The following CYP4F22 variants were observed in gnomAD, a reference collection of about 807,000 sequenced individuals.
CYP4F22 encodes cytochrome P450 family 4 subfamily F member 22, also known as ultra-long-chain fatty acid omega-hydroxylase.
CYP4F22 carries 37 observed loss-of-function variants against 60.4 expected under a neutral mutation model. The observed-to-expected ratio is 0.61, with a 90% CI of 0.47 to 0.81. CYP4F22 has a LOEUF of 0.81. Among genes scored for constraint, CYP4F22 ranks in the 30% least tolerant of loss-of-function variants. The pLI is 0.00. For synonymous variants in CYP4F22, 258 were observed against 280.5 expected (o/e 0.92, Z 0.80); for missense variants, 655 against 715.0 (o/e 0.92, Z 0.96).
intron 2 of CYP4F22, among the ~76,000 whole-genome samples, chr19:15,524,704 G>GAA (rs1241923182): frequency 2.0e-4 from 21 of 104,402 alleles, no homozygotes; most frequent in Non-Finnish European, 3.0e-4. Context: ...GAAAGAAAGA[G>GAA]AGAGAGAAAG....
intron 1 of CYP4F22, among the ~76,000 whole-genome samples, chr19:15,509,908 T>TTCCTTCCTTC (rs1568350853): frequency 1.4e-3 from 142 of 100,438 alleles, no homozygotes; most frequent in African/African-American, 2.2e-3. Flanking sequence ...TTCCTTCCTT[T>TTCCTTCCTTC]CTTTCTTTCC....
intron 1 of CYP4F22, among the ~76,000 whole-genome samples, chr19:15,517,652 A>G (rs868591489): frequency 6.6e-6 from 1 of 152,292 alleles, no homozygotes; most frequent in South Asian, 2.1e-4. Context: ...TGGGGGCTCT[A>G]GCTGTGATTT....
intron 4 of CYP4F22, among the ~76,000 whole-genome samples, chr19:15,535,209 G>C (rs185445905): frequency 1.3e-5 from 2 of 152,268 alleles, no homozygotes; most frequent in African/African-American, 2.4e-5. Flanking sequence ...TTAGCACCTA[G>C]CACACTTTCT....
rs568480476 is a variant in CYP4F22 at position 15,550,047 on chromosome 19, G to C, written c.1336-627G>C. 3.9e-5 allele frequency among the ~76,000 whole-genome samples: 6 copies of C among 152,258 alleles called. No homozygotes were observed. In the South Asian group the frequency reaches 1.2e-3, roughly 32 times the overall value. ...GGGTTCAAGAGATTCTCCTGCCTCA[G>C]CTTTCTGAGTAGTTGGGATTACAGG... is the stretch of plus-strand genomic sequence containing the variant. On this transcript the variant is annotated intron_variant, in intron 12 of 13. Transcript: ENST00000269703.
intron 1 of CYP4F22, chr19:15,515,396 TTTG>T: frequency 8.1e-7 from 1 of 1,235,432 alleles, no homozygotes; most frequent in Non-Finnish European, 1.2e-6. Flanking sequence ...ATCTCTGTAC[TTTG>T]TTGGTCCAAC....
chr19:15,536,926 C>T (rs750469371), intron 4 of CYP4F22, among the ~76,000 whole-genome samples: 9 of 152,004 alleles, frequency 5.9e-5, no homozygotes, highest in Non-Finnish European at 8.8e-5. Context: ...GTGTGGAGGA[C>T]GGACTGGGTG....
chr19:15,517,074 G>T (rs1971164432), intron 1 of CYP4F22, among the ~76,000 whole-genome samples: 2 of 152,156 alleles, frequency 1.3e-5, no homozygotes, highest in Admixed American at 6.5e-5. Context: ...GCCCACCTCA[G>T]CCTCCCAAAG....
Position 15,540,637 on chromosome 19 carries a change from C to A in CYP4F22, c.859C>A (p.Arg287Ser). The change falls in exon 8 of 14, where the codon CGT becomes AGT. Residue 287 changes from arginine to serine, a missense_variant. Arg to Ser is a moderately radical substitution (Grantham distance 110). Coordinates refer to ENST00000269703, the MANE Select transcript of CYP4F22 (RefSeq NM_173483.4). ...CATCCAGGAACGGCGGCGGGCACTG[C>A]GTCAGCAGGGGGCCGAGGCCTGGCT... ...EVIQERRRAL[R>S]QQGAEAWLKA... is the part of the protein sequence containing the mutation. The A allele has an allele frequency of 6.2e-7, 1 of 1,614,140 alleles. No individual in the cohort carries two copies. Among genetic ancestry groups the A allele is most frequent in the Non-Finnish European group, 8.5e-7 (1 of 1,180,036 alleles).
chr19:15,522,543 G>A (rs1971237637), intron 1 of CYP4F22, among the ~76,000 whole-genome samples: 1 of 152,070 alleles, frequency 6.6e-6, no homozygotes, highest in African/African-American at 2.4e-5. Flanking sequence ...GGGCATGATG[G>A]TGTGCACCTA....
intron 4 of CYP4F22, among the ~76,000 whole-genome samples, chr19:15,534,818 G>C (rs1971378866): frequency 6.6e-6 from 1 of 152,150 alleles, no homozygotes; most frequent in African/African-American, 2.4e-5. Flanking sequence ...GCTTGCCAGA[G>C]AAGGAGTCCC....
chr19:15,515,269 A>G, intron 1 of CYP4F22: 3 of 916,036 alleles, frequency 3.3e-6, no homozygotes, highest in Non-Finnish European at 5.3e-6. Context: ...GAAATTCCAA[A>G]TTTTCAAAGC....
In CYP4F22 at chr19:15,551,146, CTCACTTTAACCCTCACCCAGCGTGGGGTT is replaced by C. The variant is rs1250647601; in HGVS notation, c.1419-132_1419-104del. On this transcript the variant is annotated intron_variant, in intron 13 of 13. Coordinates refer to ENST00000269703, the MANE Select transcript of CYP4F22 (RefSeq NM_173483.4). ...ACATTAATTGAGCGATCCGTGGGGT[CTCACTTTAACCCTCACCCAGCGTGGGGTT>C]TCACTTTAACCCTCAGCCAGCCCAG... 10 of 1,007,252 alleles carry C rather than the reference CTCACTTTAACCCTCACCCAGCGTGGGGTT, an allele frequency of 9.9e-6. No homozygotes were observed. In the African/African-American group the frequency reaches 1.1e-4, roughly 11 times the overall value. 62.4% of individuals were successfully genotyped at this position (1,007,252 alleles called of 1,614,324 possible).
At chr19:15,541,318 T>C (rs967121070) in intron 8 of CYP4F22, among the ~76,000 whole-genome samples, 4 of 152,198 alleles carry the variant, frequency 2.6e-5, no homozygotes, top group Non-Finnish European at 5.9e-5. Context: ...AGGATGAATC[T>C]GTTCCAGGCC....
At chr19:15,511,270 C>T (rs1875698831) in intron 1 of CYP4F22, among the ~76,000 whole-genome samples, 3 of 151,450 alleles carry the variant, frequency 2.0e-5, no homozygotes, top group Non-Finnish European at 4.4e-5. Context: ...CCGCGCCCAG[C>T]ACTATATTAA....
chr19:15,513,904 A>G (rs1343645151), intron 1 of CYP4F22, among the ~76,000 whole-genome samples: 2 of 152,230 alleles, frequency 1.3e-5, no homozygotes, highest in Non-Finnish European at 2.9e-5. Context: ...GATGTAATTA[A>G]TAGTATCGAG....
intron 1 of CYP4F22, among the ~76,000 whole-genome samples, chr19:15,513,735 A>C (rs528367923): frequency 2.6e-5 from 4 of 151,866 alleles, no homozygotes; most frequent in Non-Finnish European, 5.9e-5. Flanking sequence ...TCCTGAGCTC[A>C]GGCAATCCGC....
At chr19:15,533,252 G>A (rs1971362187) in intron 4 of CYP4F22, among the ~76,000 whole-genome samples, 1 of 152,124 alleles carries the variant, frequency 6.6e-6, no homozygotes, top group Non-Finnish European at 1.5e-5. Flanking sequence ...TTAAAATGGA[G>A]GTGAAATTCA....
intron 2 of CYP4F22, among the ~76,000 whole-genome samples, chr19:15,524,430 G>A (rs1030703300): frequency 1.2e-4 from 18 of 152,080 alleles, no homozygotes; most frequent in East Asian, 7.7e-4. Context: ...CGGGAGGATC[G>A]CTTGAGCCCA....
At chr19:15,546,987 A>C (rs1034177766) in intron 10 of CYP4F22, among the ~76,000 whole-genome samples, 4 of 141,506 alleles carry the variant, frequency 2.8e-5, no homozygotes, top group South Asian at 2.3e-4. Flanking sequence ...CTGGGATTAC[A>C]GGTATGAGCC....
Sources: allele counts gnomAD v4.1 joint callset (sites outside exome capture counted in the v4.1 genomes callset), GRCh38; gene constraint gnomAD v4.1.1; transcripts MANE v1.5; gene names NCBI Gene and HGNC (gene_info 2026-07-23, HGNC 2026-07-21).